Variants in ARRDC3 observed in about 807,000 individuals in gnomAD.
ARRDC3 encodes arrestin domain-containing protein 3.
A neutral mutation model predicts 47.2 loss-of-function variants in ARRDC3; 10 were observed. That is an observed-to-expected ratio of 0.21 (90% confidence interval 0.13 to 0.36). ARRDC3 has a LOEUF of 0.36. ARRDC3 is among the 10% of genes least tolerant of loss of function. ARRDC3 has a pLI of 1.00. For missense variants in ARRDC3, 381 were observed against 503.6 expected (o/e 0.76, Z 2.33); for synonymous variants, 156 against 178.3 (o/e 0.87, Z 1.00).
Position 91,371,449 on chromosome 5 carries a change from G to A in ARRDC3, c.1196C>T (p.Pro399Leu), listed in dbSNP as rs1799176596. ...LPPPLYSEIDPNPDQSADDRP... is the reference protein window; with the variant it reads ...LPPPLYSEIDLNPDQSADDRP... ...ATCATCTGCTGACTGATCAGGATTTGGATCAATCTAGAAAGAAATGAGAAA... is the reference window on the plus strand; with the variant it reads ...ATCATCTGCTGACTGATCAGGATTTAGATCAATCTAGAAAGAAATGAGAAA... The change falls in exon 8 of 8, where the codon CCA (proline) becomes CTA (leucine). Residue 399 changes from proline to leucine, a missense_variant. By Grantham distance (98) the Pro-to-Leu change is moderately conservative. Transcript: ENST00000265138. The A allele has an allele frequency of 6.2e-7, 1 of 1,612,874 alleles. No individual in the cohort carries two copies. The highest frequency in any genetic ancestry group is 8.5e-7 in the Non-Finnish European group (1 of 1,179,240).
chr5:91,379,784 A>C (rs759908124), intron 1 of ARRDC3: 3 of 152,214 alleles, frequency 2.0e-5, no homozygotes, highest in Non-Finnish European at 4.4e-5. Flanking sequence ...ACATTATTTA[A>C]CTTTCCTTCA....
intron 1 of ARRDC3, chr5:91,380,384 C>T (rs1799423529): frequency 6.6e-6 from 1 of 152,336 alleles, no homozygotes; most frequent in Non-Finnish European, 1.5e-5. Context: ...TTCCATCTGG[C>T]TCGGGCCACT....
At chr5:91,374,014 A>G in intron 6 of ARRDC3, 100 bp downstream of exon 6, 1 of 1,460,020 alleles carries the variant, frequency 6.8e-7, no homozygotes, top group South Asian at 1.3e-5. Flanking sequence ...TTCTTTAGGA[A>G]AAGATTATGT....
rs1799116591 is a variant in ARRDC3 at position 91,369,396 on chromosome 5, CCCATTTCCTTATTA to C, written c.*1990_*2003del. On this transcript the variant is annotated 3_prime_UTR_variant, in exon 8 of 8. Transcript: ENST00000265138. ...TTCAACAATAAAAAAATATTTCACC[CCCATTTCCTTATTA>C]TCTAGTATTAGTTTGCTACGGGAGC... 6.6e-6 allele frequency: 1 copy of C among 152,024 alleles called. No homozygotes were observed. Among genetic ancestry groups the C allele is most frequent in the African/African-American group, 2.4e-5 (1 of 41,228 alleles). The allele number at this position is 152,024 out of a possible 1,614,324, so 9.4% of individuals were successfully genotyped here. A position where few individuals can be genotyped will look rare whatever the true frequency, so the allele number is the denominator to read the frequency against.
At chr5:91,374,670 G>A (rs1325327284) in intron 5 of ARRDC3, among the ~76,000 whole-genome samples, 1 of 152,008 alleles carries the variant, frequency 6.6e-6, no homozygotes, top group Non-Finnish European at 1.5e-5. Flanking sequence ...GATCACTTGA[G>A]CCCAGGAGTT....
In ARRDC3 at chr5:91,371,008, G is replaced by GAA. The variant is rs767515801; in HGVS notation, c.*390_*391dup. On this transcript the variant is annotated 3_prime_UTR_variant, in exon 8 of 8. Transcript: ENST00000265138. ...GAGTATCAAGAGTCTGGCAAAAATA[G>GAA]AAAAAAAAAAAAAAAAAAAAAGAAG... is the stretch of plus-strand genomic sequence containing the variant. 0.25 allele frequency: 19,632 copies of GAA among 77,734 alleles called. 2,082 individuals carry two copies. The highest frequency in any genetic ancestry group is 0.47 in the South Asian group (1,079 of 2,304). The allele number at this position is 77,734 out of a possible 1,614,324, so 4.8% of individuals were successfully genotyped here. A position where few individuals can be genotyped will look rare whatever the true frequency, so the allele number is the denominator to read the frequency against.
chr5:91,376,953 A>G (rs1348100190), intron 2 of ARRDC3, among the ~76,000 whole-genome samples, 185 bp from the exon 3 acceptor site: 2 of 152,220 alleles, frequency 1.3e-5, no homozygotes, highest in Non-Finnish European at 2.9e-5. Context: ...CCAACTAAGA[A>G]TAAACAATAA....
chr5:91,382,231 T>C (rs912752207), intron 1 of ARRDC3, among the ~76,000 whole-genome samples: 4 of 152,208 alleles, frequency 2.6e-5, no homozygotes, highest in Admixed American at 6.5e-5. Flanking sequence ...GGGTGTAAAT[T>C]TTTAAAGGAA....
chr5:91,375,695 A>G, intron 3 of ARRDC3, 82 bp from the exon 4 acceptor site: 1 of 914,248 alleles, frequency 1.1e-6, no homozygotes. Context: ...TATAACCCTA[A>G]ATTTATGGAA....
In ARRDC3 at chr5:91,370,539, A is replaced by C. The variant is rs1453422308; in HGVS notation, c.*861T>G. ...AACAAAACACAAATAGCATTCCAAC[A>C]GTTTGGCAAGTGATGCGTTCACCTG... On this transcript the variant is annotated 3_prime_UTR_variant, in exon 8 of 8. Transcript: ENST00000265138. 2 of 152,616 alleles carry C rather than the reference A, an allele frequency of 1.3e-5. No individual in the cohort carries two copies. The highest frequency in any genetic ancestry group is 4.8e-5 in the African/African-American group (2 of 41,460). 9.5% of individuals were successfully genotyped at this position (152,616 alleles called of 1,614,324 possible). A position where few individuals can be genotyped will look rare whatever the true frequency, so the allele number is the denominator to read the frequency against.
chr5:91,378,579 G>T, intron 2 of ARRDC3, 115 bp downstream of exon 2: 1 of 651,112 alleles, frequency 1.5e-6, no homozygotes, highest in Non-Finnish European at 2.5e-6. Context: ...GCAAGTTTCA[G>T]TAATGAAAAG....
chr5:91,371,917 A>G (rs929324253), intron 7 of ARRDC3, among the ~76,000 whole-genome samples: 1 of 152,180 alleles, frequency 6.6e-6, no homozygotes, highest in Non-Finnish European at 1.5e-5. Context: ...AATCGTATAA[A>G]CAATGCTCTT....
At position 91,371,222 on chromosome 5, in the gene ARRDC3, T is replaced by C. The variant is rs1799167850; in HGVS notation, c.*178A>G. 1.7e-6 allele frequency: 1 copy of C among 590,472 alleles called. No individual in the cohort carries two copies. Among genetic ancestry groups the C allele is most frequent in the Non-Finnish European group, 3.0e-6 (1 of 333,512 alleles). The allele number at this position is 590,472 out of a possible 1,614,324, so 36.6% of individuals were successfully genotyped here. A position where few individuals can be genotyped will look rare whatever the true frequency, so the allele number is the denominator to read the frequency against. On this transcript the variant is annotated 3_prime_UTR_variant, in exon 8 of 8. Coordinates refer to ENST00000265138, the MANE Select transcript of ARRDC3 (RefSeq NM_020801.4). ...GATCTTCAAGCATGTTGGAGCAGTCTCAGAATGTTGCTGTAGGCTTCTAAA... is the reference window on the plus strand; with the variant it reads ...GATCTTCAAGCATGTTGGAGCAGTCCCAGAATGTTGCTGTAGGCTTCTAAA...
At chr5:91,372,512 A>T (rs1223962492) in intron 7 of ARRDC3, among the ~76,000 whole-genome samples, 3 of 152,228 alleles carry the variant, frequency 2.0e-5, no homozygotes, top group Non-Finnish European at 4.4e-5. Flanking sequence ...TTAATAAGCA[A>T]GACAGAAATG....
At chr5:91,379,537 C>G (rs1346442402) in intron 1 of ARRDC3, among the ~76,000 whole-genome samples, 1 of 151,806 alleles carries the variant, frequency 6.6e-6, no homozygotes, top group Non-Finnish European at 1.5e-5. Flanking sequence ...TGAAGTCTAA[C>G]TATTAATAGT....
At position 91,370,898 on chromosome 5, in the gene ARRDC3, A is replaced by G. The variant is rs2127064772; in HGVS notation, c.*502T>C. 6.5e-6 allele frequency: 1 copy of G among 153,142 alleles called. No individual in the cohort carries two copies. Among genetic ancestry groups the G allele is most frequent in the African/African-American group, 2.4e-5 (1 of 41,514 alleles). 9.5% of individuals were successfully genotyped at this position (153,142 alleles called of 1,614,324 possible). A position where few individuals can be genotyped will look rare whatever the true frequency, so the allele number is the denominator to read the frequency against. On this transcript the variant is annotated 3_prime_UTR_variant, in exon 8 of 8. Coordinates refer to ENST00000265138, the MANE Select transcript of ARRDC3 (RefSeq NM_020801.4). ...AAAGTCCAGGCTATATTAAATAAAA[A>G]AAAATGTCAGTGCGTTTTTTCATGT... is the stretch of plus-strand genomic sequence containing the variant.
At chr5:91,374,866 A>T (rs981345153) in intron 5 of ARRDC3, 56 bp downstream of exon 5, 33 of 1,554,874 alleles carry the variant, frequency 2.1e-5, no homozygotes, top group Admixed American at 3.4e-5. Flanking sequence ...AGCCTGGGTG[A>T]CAGGTGTTTC....
chr5:91,375,097 T>C lies in ARRDC3; in HGVS notation c.695A>G (p.Gln232Arg). ...VVPKAAIYQT[Q>R]AFYAKGKMKE... ...CATTTTCCCTTTGGCATAGAAGGCC[T>C]GTGTTTGGTAAATGGCTGCCTTTGG... The change falls in exon 5 of 8, where the codon CAG becomes CGG. Residue 232 changes from glutamine to arginine, a missense_variant. By Grantham distance (43) the Gln-to-Arg change is conservative. Transcript: ENST00000265138. 1 of 1,614,144 alleles carries C rather than the reference T, an allele frequency of 6.2e-7. No individual in the cohort carries two copies. The highest frequency in any genetic ancestry group is 8.5e-7 in the Non-Finnish European group (1 of 1,180,020).
intron 7 of ARRDC3, among the ~76,000 whole-genome samples, chr5:91,372,513 G>A (rs1799200366): frequency 6.6e-6 from 1 of 152,120 alleles, no homozygotes; most frequent in African/African-American, 2.4e-5. Context: ...TAATAAGCAA[G>A]ACAGAAATGT....
Sources: gnomAD v4.1 joint callset for allele counts (sites outside exome capture counted in the v4.1 genomes callset) on GRCh38, gnomAD v4.1.1 for gene constraint, MANE v1.5 for transcripts, NCBI Gene and HGNC (gene_info 2026-07-23, HGNC 2026-07-21) for gene names.